The following GC variants were observed in gnomAD, a reference collection of about 807,000 sequenced individuals.
GC encodes GC vitamin D binding protein, also known as vitamin D-binding protein.
A neutral mutation model predicts 56.7 loss-of-function variants in GC; 43 were observed. That is an observed-to-expected ratio of 0.76 (90% confidence interval 0.59 to 0.98). The LOEUF is 0.98. Ranked by LOEUF, GC falls within the 50% of genes least tolerant of loss-of-function variation. The pLI is 0.00. For missense variants in GC, 529 were observed against 545.9 expected, an observed-to-expected ratio of 0.97 and a Z score of 0.31; for synonymous variants, 216 against 202.7, an observed-to-expected ratio of 1.07 and a Z score of -0.56.
intron 1 of GC, among the ~76,000 whole-genome samples, chr4:71,794,738 C>T (rs1743055257): frequency 6.6e-6 from 1 of 151,914 alleles, no homozygotes; most frequent in Non-Finnish European, 1.5e-5. Context: ...TAGTTCTTTC[C>T]ATTGTGATAT....
intron 1 of GC, among the ~76,000 whole-genome samples, chr4:71,783,513 G>A (rs1742751840): frequency 6.6e-6 from 1 of 151,582 alleles, no homozygotes; most frequent in Admixed American, 6.6e-5. Flanking sequence ...TTCCTCTAAG[G>A]GGATCAAAGA....
rs530881904 is a variant in GC at position 71,758,209 on chromosome 4, T to A, written c.702-38A>T. 5 of 1,580,034 alleles carry A rather than the reference T, an allele frequency of 3.2e-6. No homozygotes were observed. In the African/African-American group the frequency reaches 6.7e-5, roughly 21 times the overall value. On this transcript the variant is annotated intron_variant, in intron 6 of 12. Coordinates refer to ENST00000273951, the MANE Select transcript of GC (RefSeq NM_000583.4). ...AAATAAATATGTTAGCTTATCAACA[T>A]TCTCAGTTTTCTTGGTTTCGTGATG...
intron 1 of GC, among the ~76,000 whole-genome samples, chr4:71,777,555 C>T (rs1247418714): frequency 6.7e-6 from 1 of 149,090 alleles, no homozygotes; most frequent in Non-Finnish European, 1.5e-5. Flanking sequence ...TCAATGTTAG[C>T]CTAGTCAACA....
At chr4:71,749,415 G>A (rs1741476256) in intron 11 of GC, among the ~76,000 whole-genome samples, 1 of 152,194 alleles carries the variant, frequency 6.6e-6, no homozygotes, top group African/African-American at 2.4e-5. Context: ...CTTGTATGGT[G>A]TCAGGCAGGA....
intron 6 of GC, 22 bp from the exon 7 acceptor site, chr4:71,758,193 T>A (rs1560695006): frequency 6.2e-7 from 1 of 1,600,400 alleles, no homozygotes; most frequent in Admixed American, 1.7e-5. Flanking sequence ...AAAATAAATA[T>A]GTTAGCTTAT....
chr4:71,797,137 G>A (rs867298688), intron 1 of GC, among the ~76,000 whole-genome samples: 15 of 152,194 alleles, frequency 9.9e-5, no homozygotes, highest in Admixed American at 6.5e-4. Context: ...TAGGCTACAC[G>A]GGGTCAGGGA....
At chr4:71,747,780 G>A (rs1741422113) in intron 11 of GC, among the ~76,000 whole-genome samples, 1 of 152,050 alleles carries the variant, frequency 6.6e-6, no homozygotes, top group Non-Finnish European at 1.5e-5. Context: ...ATTATTTTTT[G>A]AGATAAGAAG....
At chr4:71,771,774 G>A (rs1419823218) in intron 1 of GC, among the ~76,000 whole-genome samples, 1 of 152,238 alleles carries the variant, frequency 6.6e-6, no homozygotes, top group Non-Finnish European at 1.5e-5. Flanking sequence ...ACGTTCAAAA[G>A]GTTAAGCAAG....
At chr4:71,778,505 A>G (rs1438863982) in intron 1 of GC, among the ~76,000 whole-genome samples, 1 of 151,968 alleles carries the variant, frequency 6.6e-6, no homozygotes, top group Non-Finnish European at 1.5e-5. Flanking sequence ...AGGAGGAGTG[A>G]CAATTCAGCT....
intron 1 of GC, among the ~76,000 whole-genome samples, chr4:71,796,045 T>TTTGTGGGTC (rs1743094976): frequency 6.6e-6 from 1 of 152,040 alleles, no homozygotes; most frequent in Non-Finnish European, 1.5e-5. Context: ...GTGATGGTTT[T>TTTGTGGGTC]CCATTTGTGG....
intron 3 of GC, among the ~76,000 whole-genome samples, chr4:71,767,368 T>C (rs912520674): frequency 2.0e-5 from 3 of 152,094 alleles, no homozygotes; most frequent in African/African-American, 7.2e-5. Context: ...CCTTTTCAGC[T>C]ACTGTCTGAA....
chr4:71,745,489 T>A (rs966160651), intron 12 of GC, among the ~76,000 whole-genome samples: 1 of 152,184 alleles, frequency 6.6e-6, no homozygotes, highest in Non-Finnish European at 1.5e-5. Context: ...AAGCCTCAGT[T>A]CAGCTAAGAA....
intron 12 of GC, among the ~76,000 whole-genome samples, chr4:71,742,387 T>C (rs1252127964): frequency 6.6e-6 from 1 of 152,182 alleles, no homozygotes; most frequent in Non-Finnish European, 1.5e-5. Flanking sequence ...TATGTCACAG[T>C]TCTATTTGCA....
At chr4:71,764,046 A>G (rs1227617221) in intron 4 of GC, 110 bp from the exon 5 acceptor site, 2 of 790,620 alleles carry the variant, frequency 2.5e-6, no homozygotes, top group Non-Finnish European at 4.2e-6. Flanking sequence ...ACATGGTATA[A>G]TCATAGCTCA....
At chr4:71,772,472 T>A (rs1166103652) in intron 1 of GC, among the ~76,000 whole-genome samples, 1 of 152,198 alleles carries the variant, frequency 6.6e-6, no homozygotes, top group South Asian at 2.1e-4. Context: ...AATGTAAAGT[T>A]TCATTTCATA....
Position 71,758,094 on chromosome 4 carries a change from T to G in GC, c.779A>C (p.Asn260Thr). The G allele has an allele frequency of 1.2e-6, 2 of 1,613,576 alleles. No individual in the cohort carries two copies. Among genetic ancestry groups the G allele is most frequent in the Non-Finnish European group, 1.7e-6 (2 of 1,179,586 alleles). ...AGACTCACAGCATTTGGAGAGGATG[T>G]TAGTAATATCTTCAGCTAGTGGCAA... is the stretch of plus-strand genomic sequence containing the variant. Reference protein sequence around the residue: ...DVLPLAEDITNILSKCCESAS... With the variant: ...DVLPLAEDITTILSKCCESAS... Residue 260 changes from asparagine to threonine, a missense_variant, in exon 7 of 13, where the codon AAC (asparagine) becomes ACC (threonine). Physicochemically the swap from Asn to Thr is moderately conservative, Grantham distance 65. Coordinates refer to ENST00000273951, the MANE Select transcript of GC (RefSeq NM_000583.4).
At chr4:71,773,133 G>T (rs1385131736) in intron 1 of GC, among the ~76,000 whole-genome samples, 3 of 151,994 alleles carry the variant, frequency 2.0e-5, no homozygotes, top group Non-Finnish European at 4.4e-5. Context: ...GTACCATTCG[G>T]TTATAAAGAA....
intron 1 of GC, among the ~76,000 whole-genome samples, chr4:71,792,184 A>G (rs1265863609): frequency 6.6e-6 from 1 of 152,218 alleles, no homozygotes; most frequent in Admixed American, 6.5e-5. Flanking sequence ...TATACCCAGT[A>G]ATGGGATGGC....
intron 1 of GC, among the ~76,000 whole-genome samples, chr4:71,773,629 T>C (rs1742410169): frequency 2.0e-5 from 3 of 152,038 alleles, no homozygotes; most frequent in African/African-American, 4.8e-5. Flanking sequence ...TCACTATTAC[T>C]AGTCTTTCAC....
Sources: gnomAD v4.1 joint callset for allele counts (sites outside exome capture counted in the v4.1 genomes callset) on GRCh38, gnomAD v4.1.1 for gene constraint, MANE v1.5 for transcripts, NCBI Gene and HGNC (gene_info 2026-07-23, HGNC 2026-07-21) for gene names.